RGS6: variants seen among roughly 807,000 people sequenced by gnomAD.
The protein encoded by RGS6 is regulator of G protein signaling 6, also known as regulator of G-protein signaling 6.
In RGS6, 30 loss-of-function variants were observed where a neutral mutation model predicts 78.5. The observed-to-expected ratio is 0.38, with a 90% confidence interval of 0.29 to 0.52. The LOEUF (loss-of-function observed/expected upper bound fraction) is 0.52, where lower values mean the gene tolerates loss of function less well. Ranked by LOEUF, RGS6 falls within the 20% of genes least tolerant of loss-of-function variation. RGS6 has a pLI of 0.85. For synonymous variants in RGS6, 206 were observed against 206.0 expected (o/e 1.00, Z 0.00); for missense variants, 495 against 609.7 (o/e 0.81, Z 1.98).
intron 2 of RGS6, among the ~76,000 whole-genome samples, chr14:72,323,342 A>C (rs2072645923): frequency 6.6e-6 from 1 of 152,116 alleles, no homozygotes. Flanking sequence ...TGCTACTGAG[A>C]AACATGAAAA....
the RGS6 span, among the ~76,000 whole-genome samples, chr14:72,581,046 T>A: frequency 6.6e-6 from 1 of 152,214 alleles, no homozygotes; most frequent in African/African-American, 2.4e-5. Flanking sequence ...CAGTGCCACA[T>A]GTGACCATCC....
chr14:71,976,324 A>G (rs1204952359), intron 2 of RGS6, among the ~76,000 whole-genome samples: 3 of 150,288 alleles, frequency 2.0e-5, no homozygotes, highest in Non-Finnish European at 3.0e-5. Context: ...GGTTAGTTAC[A>G]TATGTATACA....
chr14:71,955,389 C>T (rs1045908313), intron 1 of RGS6, among the ~76,000 whole-genome samples: 3 of 152,050 alleles, frequency 2.0e-5, no homozygotes, highest in Non-Finnish European at 4.4e-5. Flanking sequence ...TTGGATCTCA[C>T]GCAAGAAATA....
chr14:71,969,921 TA>T (rs759557482), intron 2 of RGS6, among the ~76,000 whole-genome samples: 5 of 152,222 alleles, frequency 3.3e-5, no homozygotes, highest in African/African-American at 4.8e-5. Context: ...TATGCACGTT[TA>T]AAGGTCTTTT....
At chr14:72,314,493 T>A (rs1385398171) in intron 2 of RGS6, among the ~76,000 whole-genome samples, 1 of 152,226 alleles carries the variant, frequency 6.6e-6, no homozygotes, top group East Asian at 1.9e-4. Context: ...TTTCTAGCTA[T>A]AGAAATGGCG....
chr14:72,543,190 G>C (rs894515145), intron 17 of RGS6, among the ~76,000 whole-genome samples: 1 of 152,218 alleles, frequency 6.6e-6, no homozygotes, highest in Non-Finnish European at 1.5e-5. Flanking sequence ...TACCATGTAC[G>C]TTCATCCAAA....
chr14:72,571,749 T>C, the RGS6 span, among the ~76,000 whole-genome samples: 24 of 152,290 alleles, frequency 1.6e-4, 1 homozygote, highest in South Asian at 5.0e-3. Flanking sequence ...CGATCTTGGA[T>C]TGGGCAATGG....
At chr14:72,360,993 C>T (rs1269143905) in intron 3 of RGS6, among the ~76,000 whole-genome samples, 1 of 151,926 alleles carries the variant, frequency 6.6e-6, no homozygotes, top group Non-Finnish European at 1.5e-5. Flanking sequence ...TGCCTGCTGC[C>T]ATTTAAGACA....
chr14:72,085,390 A>G (rs561531451), intron 2 of RGS6, among the ~76,000 whole-genome samples: 1 of 152,334 alleles, frequency 6.6e-6, no homozygotes, highest in African/African-American at 2.4e-5. Flanking sequence ...CAGAGGTATC[A>G]ACCTAGGATA....
At chr14:72,183,332 C>T (rs1383281974) in intron 2 of RGS6, among the ~76,000 whole-genome samples, 2 of 152,230 alleles carry the variant, frequency 1.3e-5, no homozygotes, top group Non-Finnish European at 2.9e-5. Flanking sequence ...TTTACATTCA[C>T]AGTCATATAT....
chr14:72,125,432 T>C (rs2096164901), intron 2 of RGS6, among the ~76,000 whole-genome samples: 1 of 152,070 alleles, frequency 6.6e-6, no homozygotes, highest in African/African-American at 2.4e-5. Flanking sequence ...CCCTTTCAAG[T>C]AGAATAGGGA....
At chr14:72,442,424 T>G (rs527663862) in intron 3 of RGS6, among the ~76,000 whole-genome samples, 1 of 152,254 alleles carries the variant, frequency 6.6e-6, no homozygotes, top group African/African-American at 2.4e-5. Context: ...TGTGAGCCTT[T>G]TCTTGACACT....
chr14:72,338,702 T>A (rs995770966), intron 2 of RGS6, among the ~76,000 whole-genome samples: 1 of 152,234 alleles, frequency 6.6e-6, no homozygotes, highest in Non-Finnish European at 1.5e-5. Flanking sequence ...ATGTGAGAAG[T>A]GACGTTGGTG....
At chr14:72,215,547 G>A (rs749561469) in intron 2 of RGS6, among the ~76,000 whole-genome samples, 36 of 152,258 alleles carry the variant, frequency 2.4e-4, no homozygotes, top group Middle Eastern at 3.4e-3. Context: ...AACCTGATGC[G>A]TCCACCCTAC....
chr14:72,116,367 A>G (rs1231912170), intron 2 of RGS6, among the ~76,000 whole-genome samples: 3 of 151,868 alleles, frequency 2.0e-5, no homozygotes, highest in Non-Finnish European at 4.4e-5. Flanking sequence ...AGGCTCTTAC[A>G]TTGTTTTCCA....
chr14:72,168,861 C>G (rs2096967770), intron 2 of RGS6, among the ~76,000 whole-genome samples: 1 of 152,118 alleles, frequency 6.6e-6, no homozygotes. Context: ...CTTTCTTGCC[C>G]CAGGGTGGTT....
intron 2 of RGS6, among the ~76,000 whole-genome samples, chr14:72,165,272 GGAAGA>G (rs1216956507): frequency 2.6e-5 from 4 of 152,230 alleles, no homozygotes; most frequent in Non-Finnish European, 5.9e-5. Flanking sequence ...AGGGATGCAA[GGAAGA>G]ATCTCCGGAG....
chr14:72,435,852 A>C (rs1049771715), intron 3 of RGS6, among the ~76,000 whole-genome samples: 1 of 150,894 alleles, frequency 6.6e-6, no homozygotes, highest in Non-Finnish European at 1.5e-5. Flanking sequence ...ACCCACATGG[A>C]TAATCTCTCC....
intron 2 of RGS6, among the ~76,000 whole-genome samples, chr14:72,057,607 C>T (rs1262909429): frequency 6.6e-6 from 1 of 152,164 alleles, no homozygotes; most frequent in Non-Finnish European, 1.5e-5. Flanking sequence ...GTTTTGCTTT[C>T]CTATCACCTC....
Sources: gnomAD v4.1 joint callset for allele counts (sites outside exome capture counted in the v4.1 genomes callset) on GRCh38, gnomAD v4.1.1 for gene constraint, MANE v1.5 for transcripts, NCBI Gene and HGNC (gene_info 2026-07-23, HGNC 2026-07-21) for gene names.